WASHC3: variants seen among roughly 807,000 people sequenced by gnomAD.
WASHC3 encodes WASH complex subunit 3.
WASHC3 carries 24 observed loss-of-function variants against 26.1 expected under a neutral mutation model. That is an observed-to-expected ratio of 0.92 (90% CI 0.66 to 1.29). The LOEUF (loss-of-function observed/expected upper bound fraction) is 1.29, where lower values mean the gene tolerates loss of function less well. Among genes scored for constraint, WASHC3 ranks in the 50% most tolerant of loss-of-function variants. The pLI is 0.00. For synonymous variants in WASHC3, 77 were observed against 75.7 expected (o/e 1.02, Z -0.09); for missense variants, 214 against 229.6 (o/e 0.93, Z 0.44).
At chr12:102,033,713 G>A (rs558701489) in intron 5 of WASHC3, among the ~76,000 whole-genome samples, 1 of 151,360 alleles carries the variant, frequency 6.6e-6, no homozygotes, top group East Asian at 1.9e-4. Context: ...AGATATTGTT[G>A]GTATAAATAC....
chr12:102,049,994 A>T (rs1157602579), intron 2 of WASHC3, among the ~76,000 whole-genome samples: 1 of 152,186 alleles, frequency 6.6e-6, no homozygotes, highest in African/African-American at 2.4e-5. Flanking sequence ...TTCAGAATTT[A>T]AAAAAATTAT....
At chr12:102,061,874 C>A (rs747759110) in intron 1 of WASHC3, 38 bp downstream of exon 1, 3 of 1,555,830 alleles carry the variant, frequency 1.9e-6, no homozygotes, top group Non-Finnish European at 1.7e-6. Context: ...CCATCCTCCT[C>A]CCGGCTCGTC....
intron 6 of WASHC3, among the ~76,000 whole-genome samples, chr12:102,025,166 C>T (rs186537897): frequency 1.2e-4 from 18 of 152,196 alleles, no homozygotes; most frequent in Non-Finnish European, 2.9e-5. Context: ...ACTGCTAGTA[C>T]AGTAATGAAT....
chr12:102,046,365 G>A (rs984790240), intron 2 of WASHC3, among the ~76,000 whole-genome samples: 2 of 151,774 alleles, frequency 1.3e-5, no homozygotes, highest in Non-Finnish European at 2.9e-5. Context: ...GTGCGATCTC[G>A]GCTCCCTGCA....
intron 4 of WASHC3, among the ~76,000 whole-genome samples, chr12:102,042,484 G>A (rs1467929750): frequency 1.3e-5 from 2 of 152,096 alleles, no homozygotes; most frequent in African/African-American, 4.8e-5. Context: ...GTAAGTGCTA[G>A]GGCTCTTGGC....
At chr12:102,018,787 T>G (rs1180238934) in intron 6 of WASHC3, among the ~76,000 whole-genome samples, 1 of 151,798 alleles carries the variant, frequency 6.6e-6, no homozygotes, top group Non-Finnish European at 1.5e-5. Flanking sequence ...CATTTTATTA[T>G]TTATTTATTT....
intron 2 of WASHC3, among the ~76,000 whole-genome samples, chr12:102,057,621 A>G (rs550124795): frequency 8.6e-4 from 131 of 152,212 alleles, no homozygotes; most frequent in Non-Finnish European, 8.7e-4. Flanking sequence ...TCTATACACT[A>G]AAAGTAAACT....
chr12:102,013,823 G>A (rs1765585591), intron 6 of WASHC3, among the ~76,000 whole-genome samples: 1 of 152,156 alleles, frequency 6.6e-6, no homozygotes, highest in South Asian at 2.1e-4. Context: ...GGCATTATAA[G>A]GAGACATGAG....
intron 2 of WASHC3, chr12:102,050,156 T>C (rs1878329157): frequency 3.6e-5 from 12 of 334,954 alleles, no homozygotes; most frequent in South Asian, 2.4e-4. Flanking sequence ...CTACAAAAAA[T>C]ACAAAAAATT....
At chr12:102,028,590 T>G (rs1877296456) in intron 5 of WASHC3, among the ~76,000 whole-genome samples, 1 of 151,468 alleles carries the variant, frequency 6.6e-6, no homozygotes, top group Non-Finnish European at 1.5e-5. Context: ...GCAAGGAGAA[T>G]GAGGTTGAAA....
chr12:102,059,932 T>C (rs990606066), intron 2 of WASHC3: 8 of 152,340 alleles, frequency 5.3e-5, no homozygotes, highest in African/African-American at 1.9e-4. Context: ...CATTAACATA[T>C]AAAACTAAAT....
At chr12:102,044,287 T>G in intron 3 of WASHC3, 75 bp from the exon 4 acceptor site, 1 of 622,932 alleles carries the variant, frequency 1.6e-6, no homozygotes. Context: ...ATAGCTGTCT[T>G]AAGTTTTAAG....
chr12:102,060,580 G>A (rs1479147750), intron 2 of WASHC3, among the ~76,000 whole-genome samples: 1 of 152,190 alleles, frequency 6.6e-6, no homozygotes, highest in African/African-American at 2.4e-5. Context: ...TTTAGATCCA[G>A]AATGTAAAAT....
intron 6 of WASHC3, among the ~76,000 whole-genome samples, chr12:102,014,017 A>G (rs528792092): frequency 4.6e-5 from 7 of 152,122 alleles, no homozygotes; most frequent in African/African-American, 9.6e-5. Context: ...ATTAAGCAAG[A>G]AAAGTATTTT....
Position 102,013,046 on chromosome 12 carries a change from A to G in WASHC3, c.*62T>C. ...TTATGACTAAGAGAGTTCAGGCTCA[A>G]TCTCTTACAGAATGTAAATGTACCC... On this transcript the variant is annotated 3_prime_UTR_variant, in exon 7 of 7. Coordinates refer to ENST00000240079, the MANE Select transcript of WASHC3 (RefSeq NM_016053.4). 6 of 749,880 alleles carry G rather than the reference A, an allele frequency of 8.0e-6. No homozygotes were observed. The highest frequency in any genetic ancestry group is 1.1e-5 in the Non-Finnish European group (5 of 442,598). The allele number at this position is 749,880 out of a possible 1,614,324, so 46.5% of individuals were successfully genotyped here.
intron 2 of WASHC3, chr12:102,050,449 C>G: frequency 2.6e-6 from 1 of 389,402 alleles, no homozygotes; most frequent in South Asian, 1.9e-5. Context: ...AAGATGCCAT[C>G]TCTAACACAC....
intron 6 of WASHC3, among the ~76,000 whole-genome samples, chr12:102,025,645 C>CA (rs137985221): frequency 0.017 from 856 of 49,854 alleles, 10 homozygotes; most frequent in African/African-American, 0.058. Context: ...AACAAATAAA[C>CA]AAAAAAACAA....
intron 5 of WASHC3, among the ~76,000 whole-genome samples, chr12:102,028,106 C>A (rs988326384): frequency 1.3e-5 from 2 of 152,080 alleles, no homozygotes; most frequent in African/African-American, 4.8e-5. Context: ...TTGCTAGGGG[C>A]ATCCGATGTG....
chr12:102,033,725 GT>G lies in WASHC3; in HGVS notation c.435+6142del, dbSNP rs79898970. Among the ~76,000 whole-genome samples, 664 of 145,288 alleles carry G rather than the reference GT, an allele frequency of 4.6e-3. 11 individuals are homozygous for G. Among genetic ancestry groups the G allele is most frequent in the Admixed American group, 0.035 (506 of 14,610 alleles). The stretch of plus-strand genomic sequence containing the variant: ...ATTAGATATTGTTGGTATAAATACA[GT>G]TTTTTTTTTCAGAAAGAGTTTTTTT... On this transcript the variant is annotated intron_variant, in intron 5 of 6. Transcript: ENST00000240079.
Sources: allele counts gnomAD v4.1 joint callset (sites outside exome capture counted in the v4.1 genomes callset), GRCh38; gene constraint gnomAD v4.1.1; transcripts MANE v1.5; gene names NCBI Gene and HGNC (gene_info 2026-07-23, HGNC 2026-07-21).